Variants in TRIM44 observed in about 807,000 individuals in gnomAD.
TRIM44 encodes the protein tripartite motif containing 44.
TRIM44 carries 13 observed loss-of-function variants against 37.4 expected under a neutral mutation model. The ratio of observed to expected loss-of-function variants is 0.35; its 90% CI spans 0.23 to 0.55. The LOEUF is 0.55. Ranked by LOEUF, TRIM44 falls within the 20% of genes least tolerant of loss-of-function variation. The pLI is 0.89. For synonymous variants in TRIM44, 175 were observed against 157.2 expected, an observed-to-expected ratio of 1.11 and a Z score of -0.85; for missense variants, 426 against 437.2, an observed-to-expected ratio of 0.97 and a Z score of 0.23.
At chr11:35,664,889 C>T (rs530812379) in intron 1 of TRIM44, among the ~76,000 whole-genome samples, 2 of 152,332 alleles carry the variant, frequency 1.3e-5, no homozygotes, top group South Asian at 4.1e-4. Flanking sequence ...ATCTTGACTT[C>T]TGTGATCATT....
At chr11:35,755,930 A>G (rs1852631628) in intron 4 of TRIM44, among the ~76,000 whole-genome samples, 1 of 150,960 alleles carries the variant, frequency 6.6e-6, no homozygotes. Flanking sequence ...GTTTGAAGTC[A>G]GGTAGCGTGA....
At chr11:35,691,137 C>T (rs1210100911) in intron 2 of TRIM44, among the ~76,000 whole-genome samples, 2 of 152,186 alleles carry the variant, frequency 1.3e-5, no homozygotes, top group Admixed American at 6.5e-5. Flanking sequence ...AAAGCCATAA[C>T]CCTCAGAGCA....
At chr11:35,733,872 T>C (rs1852297200) in intron 3 of TRIM44, among the ~76,000 whole-genome samples, 1 of 152,164 alleles carries the variant, frequency 6.6e-6, no homozygotes, top group Admixed American at 6.5e-5. Flanking sequence ...AACACATTTT[T>C]AGAAATTTGC....
At chr11:35,713,429 T>C (rs1852003433) in intron 2 of TRIM44, among the ~76,000 whole-genome samples, 1 of 152,148 alleles carries the variant, frequency 6.6e-6, no homozygotes, top group South Asian at 2.1e-4. Flanking sequence ...CTATAGAAGA[T>C]GTATTGAGAA....
intron 4 of TRIM44, 63 bp from the exon 5 acceptor site, chr11:35,806,295 T>C: frequency 1.3e-6 from 2 of 1,578,480 alleles, no homozygotes; most frequent in Non-Finnish European, 1.7e-6. Flanking sequence ...TATCAACCAG[T>C]AGACTAGGCT....
At chr11:35,782,973 A>G (rs1853085088) in intron 4 of TRIM44, among the ~76,000 whole-genome samples, 1 of 152,240 alleles carries the variant, frequency 6.6e-6, no homozygotes, top group Non-Finnish European at 1.5e-5. Flanking sequence ...TTGGAGAGCC[A>G]GGTGATACCT....
chr11:35,782,613 T>C (rs1853080390), intron 4 of TRIM44, among the ~76,000 whole-genome samples: 1 of 152,110 alleles, frequency 6.6e-6, no homozygotes, highest in Admixed American at 6.6e-5. Flanking sequence ...ATTATACCCA[T>C]GTTCAATCAT....
chr11:35,776,864 T>C (rs1403853799), intron 4 of TRIM44, among the ~76,000 whole-genome samples: 1 of 152,246 alleles, frequency 6.6e-6, no homozygotes, highest in Non-Finnish European at 1.5e-5. Flanking sequence ...TGAGGAATGC[T>C]TTACTTCCAC....
chr11:35,697,601 C>G (rs1202884486), intron 2 of TRIM44, among the ~76,000 whole-genome samples: 3 of 149,882 alleles, frequency 2.0e-5, no homozygotes, highest in Admixed American at 2.0e-4. Flanking sequence ...TATCCCTCCC[C>G]GCTCCCCACA....
At chr11:35,756,717 G>A (rs987198788) in intron 4 of TRIM44, among the ~76,000 whole-genome samples, 6 of 152,158 alleles carry the variant, frequency 3.9e-5, no homozygotes, top group African/African-American at 7.2e-5. Flanking sequence ...TAGCATGAAG[G>A]GTTGTTGAAT....
At chr11:35,665,901 T>C (rs1243729739) in intron 1 of TRIM44, among the ~76,000 whole-genome samples, 1 of 151,734 alleles carries the variant, frequency 6.6e-6, no homozygotes, top group East Asian at 2.0e-4. Flanking sequence ...TATTTGTTTC[T>C]GATTTTTTTT....
chr11:35,759,293 G>A (rs921146443), intron 4 of TRIM44, among the ~76,000 whole-genome samples: 6 of 151,968 alleles, frequency 3.9e-5, no homozygotes, highest in South Asian at 2.1e-4. Context: ...TGATCAAATC[G>A]GCTACTGAGG....
intron 2 of TRIM44, among the ~76,000 whole-genome samples, chr11:35,718,184 G>C (rs771437998): frequency 2.6e-5 from 4 of 152,052 alleles, no homozygotes; most frequent in Non-Finnish European, 5.9e-5. Context: ...GGGAAGGAAG[G>C]GTCTTAAAGG....
rs971839474 is a variant in TRIM44 at position 35,811,236 on chromosome 11, G to C, written c.*4851G>C. On this transcript the variant is annotated 3_prime_UTR_variant, in exon 5 of 5. Transcript: ENST00000299413. ...AGCTCTGGGAAGTGGCAAAAGAACA[G>C]ACTTAAGATCATTATTATTTAGTGA... 3 of 152,116 alleles carry C rather than the reference G, an allele frequency of 2.0e-5. No individual in the cohort carries two copies. Among genetic ancestry groups the C allele is most frequent in the African/African-American group, 7.2e-5 (3 of 41,428 alleles). The allele number at this position is 152,116 out of a possible 1,614,324, so 9.4% of individuals were successfully genotyped here.
chr11:35,671,249 A>G (rs1482369842), intron 1 of TRIM44, among the ~76,000 whole-genome samples: 1 of 152,246 alleles, frequency 6.6e-6, no homozygotes, highest in African/African-American at 2.4e-5. Context: ...GTAAAACATA[A>G]TACAGGATTA....
At chr11:35,699,193 T>C (rs1564959281) in intron 2 of TRIM44, among the ~76,000 whole-genome samples, 1 of 151,852 alleles carries the variant, frequency 6.6e-6, no homozygotes, top group Non-Finnish European at 1.5e-5. Flanking sequence ...TGTAGCCTTG[T>C]AGTATAGTTT....
intron 2 of TRIM44, among the ~76,000 whole-genome samples, chr11:35,694,664 C>T (rs1049753932): frequency 5.3e-5 from 8 of 151,946 alleles, no homozygotes; most frequent in Admixed American, 4.6e-4. Context: ...TCAAGGATGC[C>T]GTTTTCTGGG....
chr11:35,773,443 G>A (rs1023090545), intron 4 of TRIM44, among the ~76,000 whole-genome samples: 7 of 151,726 alleles, frequency 4.6e-5, no homozygotes, highest in African/African-American at 1.5e-4. Context: ...CTGTTTACTC[G>A]GTGGATAGTT....
intron 4 of TRIM44, among the ~76,000 whole-genome samples, chr11:35,738,516 G>T (rs149256995): frequency 7.4e-4 from 112 of 152,146 alleles, no homozygotes; most frequent in African/African-American, 2.6e-3. Context: ...GGAGGAGGAG[G>T]AGTCAGATTT....
Sources: gnomAD v4.1 joint callset for allele counts (sites outside exome capture counted in the v4.1 genomes callset) on GRCh38, gnomAD v4.1.1 for gene constraint, MANE v1.5 for transcripts, NCBI Gene and HGNC (gene_info 2026-07-23, HGNC 2026-07-21) for gene names.